The following MTA3 variants were observed in gnomAD, a reference collection of about 807,000 sequenced individuals.
The protein encoded by MTA3 is metastasis-associated protein MTA3.
A neutral mutation model predicts 83.5 loss-of-function variants in MTA3; 34 were observed. That is an observed-to-expected ratio of 0.41 (90% CI 0.31 to 0.54). MTA3 has a LOEUF of 0.54. Ranked by LOEUF, MTA3 falls within the 20% of genes least tolerant of loss-of-function variation. The pLI is 0.33. For synonymous variants in MTA3, 303 were observed against 252.7 expected, an observed-to-expected ratio of 1.20 and a Z score of -1.89; for missense variants, 761 against 726.4, an observed-to-expected ratio of 1.05 and a Z score of -0.55.
At chr2:42,748,273 C>A (rs903167147) in intron 16 of MTA3, among the ~76,000 whole-genome samples, 1 of 149,460 alleles carries the variant, frequency 6.7e-6, no homozygotes. Context: ...ACCGTGTTGG[C>A]CAGGATGGTT....
At chr2:42,560,046 G>A (rs1454540719) in intron 2 of MTA3, among the ~76,000 whole-genome samples, 1 of 151,998 alleles carries the variant, frequency 6.6e-6, no homozygotes, top group Non-Finnish European at 1.5e-5. Flanking sequence ...CAGTCCAAGT[G>A]ATTTTTTTTA....
chr2:42,583,553 A>C (rs1343330282), intron 3 of MTA3, among the ~76,000 whole-genome samples: 2 of 152,030 alleles, frequency 1.3e-5, no homozygotes, highest in Admixed American at 1.3e-4. Context: ...TTATTTTTTG[A>C]GATAGAGTCT....
intron 16 of MTA3, among the ~76,000 whole-genome samples, chr2:42,751,992 G>C (rs1669908239): frequency 6.6e-6 from 1 of 152,164 alleles, no homozygotes; most frequent in Admixed American, 6.5e-5. Flanking sequence ...ACAAATTAAG[G>C]TCTACATTCA....
Position 42,695,836 on chromosome 2 carries a change from A to G in MTA3, c.963A>G (p.Gln321=), listed in dbSNP as rs1427109407. The change falls in exon 10 of 17, where the codon CAA becomes CAG. Residue 321 remains glutamine, a synonymous_variant. Transcript: ENST00000405094. ...YMWKTTDRYV[Q]QKRLKAAEAE... is the part of the protein sequence containing the mutation. ...GGAAAACTACTGACAGATATGTGCA[A>G]CAGGTAATTTTTTTCATATTGCTAC... 1.3e-6 allele frequency: 2 copies of G among 1,568,222 alleles called. No homozygotes were observed. Among genetic ancestry groups the G allele is most frequent in the Non-Finnish European group, 1.7e-6 (2 of 1,153,142 alleles).
At chr2:42,668,515 G>A (rs1690502443) in intron 8 of MTA3, among the ~76,000 whole-genome samples, 1 of 152,142 alleles carries the variant, frequency 6.6e-6, no homozygotes, top group African/African-American at 2.4e-5. Context: ...TACTTGTAAA[G>A]TGTTCAGAGC....
intron 2 of MTA3, among the ~76,000 whole-genome samples, chr2:42,525,625 A>ACTTT (rs1212037304): frequency 6.4e-4 from 70 of 109,776 alleles, no homozygotes; most frequent in East Asian, 1.5e-3. Flanking sequence ...CTTCCTTCCT[A>ACTTT]CTTTCTTTCT....
At position 42,667,755 on chromosome 2, in the gene MTA3, C is replaced by T. The variant is rs544598678; in HGVS notation, c.702+7893C>T. 5.5e-4 allele frequency among the ~76,000 whole-genome samples: 84 copies of T among 152,062 alleles called. 1 individual carries two copies. Among genetic ancestry groups the T allele is most frequent in the African/African-American group, 2.0e-3 (82 of 41,452 alleles). ...GCTCAAGTGATCCTCCTACTTGAGC[C>T]TACCAAGTATTAATAGCTAGAACTA... is the stretch of plus-strand genomic sequence containing the variant. On this transcript the variant is annotated intron_variant, in intron 8 of 16. Coordinates refer to ENST00000405094, the MANE Select transcript of MTA3 (RefSeq NM_001330442.2).
At chr2:42,515,534 G>A (rs548431866) in intron 2 of MTA3, among the ~76,000 whole-genome samples, 208 of 150,576 alleles carry the variant, frequency 1.4e-3, no homozygotes, top group African/African-American at 4.7e-3. Context: ...ATGGATTCTC[G>A]CTCTCTCTCC....
Position 42,581,214 on chromosome 2 carries a change from C to T in MTA3, c.190+2014C>T, listed in dbSNP as rs189392948. On this transcript the variant is annotated intron_variant, in intron 3 of 16. Coordinates refer to ENST00000405094, the MANE Select transcript of MTA3 (RefSeq NM_001330442.2). ...TCACGTTTACAAATTATATATTCAG[C>T]ATATCAAGGCTTCACATTTGCTACT... 4.3e-3 allele frequency among the ~76,000 whole-genome samples: 657 copies of T among 152,170 alleles called. 5 individuals carry two copies. The highest frequency in any genetic ancestry group is 5.8e-3 in the Non-Finnish European group (392 of 68,014).
rs116461600 is a variant in MTA3 at position 42,580,839 on chromosome 2, G to A, written c.190+1639G>A. On this transcript the variant is annotated intron_variant, in intron 3 of 16. Transcript: ENST00000405094. ...TTGAACTCCTGACCTCAAGTGATCC[G>A]CCCAGCTTGGGAGTGCTGGGATTAC... Among the ~76,000 whole-genome samples, 801 of 152,142 alleles carry A rather than the reference G, an allele frequency of 5.3e-3. 5 individuals carry two copies. The highest frequency in any genetic ancestry group is 0.017 in the African/African-American group (718 of 41,518).
intron 9 of MTA3, among the ~76,000 whole-genome samples, chr2:42,685,531 C>T (rs541612562): frequency 2.0e-5 from 3 of 152,312 alleles, no homozygotes; most frequent in Admixed American, 6.5e-5. Flanking sequence ...TGAACCCCAC[C>T]GGCAGGGTGC....
intron 2 of MTA3, among the ~76,000 whole-genome samples, chr2:42,495,575 GCA>G (rs1195419237): frequency 6.6e-6 from 1 of 152,084 alleles, no homozygotes; most frequent in African/African-American, 2.4e-5. Context: ...CCATGAGTTG[GCA>G]CAGAGAAAGG....
At chr2:42,594,191 A>T (rs915366631) in intron 3 of MTA3, among the ~76,000 whole-genome samples, 1 of 148,892 alleles carries the variant, frequency 6.7e-6, no homozygotes, top group South Asian at 2.1e-4. Flanking sequence ...ACTTCAGATG[A>T]TCCACCTGCC....
At chr2:42,626,998 C>T (rs542389024) in intron 4 of MTA3, among the ~76,000 whole-genome samples, 1 of 152,346 alleles carries the variant, frequency 6.6e-6, no homozygotes, top group Non-Finnish European at 1.5e-5. Flanking sequence ...GTCTTGGCCT[C>T]CCAAAGTGCT....
chr2:42,694,700 C>G (rs1352853414), intron 9 of MTA3, among the ~76,000 whole-genome samples: 1 of 152,186 alleles, frequency 6.6e-6, no homozygotes, highest in Non-Finnish European at 1.5e-5. Flanking sequence ...ATGCCTCTTT[C>G]AAGGATTTGC....
At chr2:42,656,042 C>T (rs1689144307) in intron 6 of MTA3, among the ~76,000 whole-genome samples, 158 bp from the exon 7 acceptor site, 3 of 152,210 alleles carry the variant, frequency 2.0e-5, no homozygotes, top group African/African-American at 7.2e-5. Flanking sequence ...TTCACTTTAA[C>T]GAGGTGTTGT....
intron 2 of MTA3, among the ~76,000 whole-genome samples, chr2:42,524,838 A>G (rs1158505396): frequency 6.8e-6 from 1 of 147,396 alleles, no homozygotes; most frequent in Non-Finnish European, 1.5e-5. Context: ...AAAAAAAAAA[A>G]AAGAAAAAAA....
chr2:42,521,387 C>G (rs927087751), intron 2 of MTA3, among the ~76,000 whole-genome samples: 7 of 152,276 alleles, frequency 4.6e-5, no homozygotes, highest in African/African-American at 1.4e-4. Context: ...GTGAGAGACC[C>G]TGAGCCAGGG....
At chr2:42,700,540 G>A (rs933265069) in intron 11 of MTA3, among the ~76,000 whole-genome samples, 1 of 152,074 alleles carries the variant, frequency 6.6e-6, no homozygotes, top group African/African-American at 2.4e-5. Flanking sequence ...CTTTTTTAAG[G>A]CAGCTCAACT....
Sources: gnomAD v4.1 joint callset for allele counts (sites outside exome capture counted in the v4.1 genomes callset) on GRCh38, gnomAD v4.1.1 for gene constraint, MANE v1.5 for transcripts, NCBI Gene and HGNC (gene_info 2026-07-23, HGNC 2026-07-21) for gene names.